Variants in ADAMTS3 observed in about 807,000 individuals in gnomAD.
ADAMTS3 encodes the protein A disintegrin and metalloproteinase with thrombospondin motifs 3.
ADAMTS3 carries 73 observed loss-of-function variants against 129.0 expected under a neutral mutation model. The ratio of observed to expected loss-of-function variants is 0.57; its 90% CI spans 0.47 to 0.69. The LOEUF (loss-of-function observed/expected upper bound fraction) is 0.69. Among genes scored for constraint, ADAMTS3 ranks in the 30% least tolerant of loss-of-function variants. ADAMTS3 has a pLI of 0.00. For synonymous variants in ADAMTS3, 477 were observed against 510.8 expected, an observed-to-expected ratio of 0.93 and a Z score of 0.89; for missense variants, 1,457 against 1,514.5, an observed-to-expected ratio of 0.96 and a Z score of 0.63.
intron 2 of ADAMTS3, among the ~76,000 whole-genome samples, chr4:72,555,507 C>T (rs1721740790): frequency 6.6e-6 from 1 of 151,760 alleles, no homozygotes; most frequent in Non-Finnish European, 1.5e-5. Flanking sequence ...GACCTCCTGG[C>T]CTGAGCTTCC....
At position 72,390,942 on chromosome 4, in the gene ADAMTS3, T is replaced by C. The variant is rs191724983; in HGVS notation, c.661+23873A>G. ...AACTTTTTTTTTAAAGCTTCTTTTA[T>C]ATTCTGGGAAATGAAAAATGATTAT... On this transcript the variant is annotated intron_variant, in intron 4 of 21. Coordinates refer to ENST00000286657, the MANE Select transcript of ADAMTS3 (RefSeq NM_014243.3). Among the ~76,000 whole-genome samples, 17 of 151,766 alleles carry C rather than the reference T, an allele frequency of 1.1e-4. No homozygotes were observed. The East Asian group carries it at 2.9e-3, about 26-fold the overall frequency.
intron 4 of ADAMTS3, among the ~76,000 whole-genome samples, chr4:72,364,310 T>C (rs1214703985): frequency 6.6e-6 from 1 of 152,160 alleles, no homozygotes; most frequent in African/African-American, 2.4e-5. Flanking sequence ...TTAAAGAGTA[T>C]TATTATAATT....
At chr4:72,516,963 A>G (rs28759425) in intron 3 of ADAMTS3, among the ~76,000 whole-genome samples, 49,691 of 151,862 alleles carry the variant, frequency 0.33, 8,319 homozygotes, top group African/African-American at 0.36. Flanking sequence ...GTATGATATT[A>G]GCTGTGAGTT....
intron 4 of ADAMTS3, among the ~76,000 whole-genome samples, chr4:72,380,367 G>A (rs544317682): frequency 6.6e-6 from 1 of 152,234 alleles, no homozygotes; most frequent in East Asian, 1.9e-4. Flanking sequence ...ATTCAAGGGT[G>A]ATGATTCCTG....
intron 4 of ADAMTS3, among the ~76,000 whole-genome samples, chr4:72,394,340 T>C (rs62318844): frequency 2.6e-3 from 395 of 152,292 alleles, no homozygotes; most frequent in Non-Finnish European, 4.4e-3. Flanking sequence ...GAGTTAATCT[T>C]CTACAAGTCC....
At chr4:72,403,505 G>T (rs1721976410) in intron 4 of ADAMTS3, among the ~76,000 whole-genome samples, 1 of 151,870 alleles carries the variant, frequency 6.6e-6, no homozygotes, top group African/African-American at 2.4e-5. Flanking sequence ...CCCAAATTTG[G>T]ATATACAGAC....
chr4:72,427,822 C>A (rs1003432233), intron 3 of ADAMTS3, among the ~76,000 whole-genome samples: 2 of 151,802 alleles, frequency 1.3e-5, no homozygotes, highest in Non-Finnish European at 2.9e-5. Context: ...TAACCCTTCT[C>A]CTCTCCTAGT....
chr4:72,378,113 A>C (rs1721181059), intron 4 of ADAMTS3, among the ~76,000 whole-genome samples: 1 of 152,216 alleles, frequency 6.6e-6, no homozygotes, highest in East Asian at 1.9e-4. Flanking sequence ...TCAATTTATA[A>C]AATTTCAACC....
At chr4:72,562,270 G>A (rs541505638) in intron 2 of ADAMTS3, among the ~76,000 whole-genome samples, 2 of 152,214 alleles carry the variant, frequency 1.3e-5, no homozygotes, top group Admixed American at 1.3e-4. Context: ...ACTTTCCTAA[G>A]TTGCTAGTAG....
chr4:72,395,093 T>G (rs988687871), intron 4 of ADAMTS3, among the ~76,000 whole-genome samples: 2 of 152,122 alleles, frequency 1.3e-5, no homozygotes, highest in Non-Finnish European at 2.9e-5. Flanking sequence ...CCTGGCTAAT[T>G]TTTGTATTTT....
chr4:72,347,691 A>C (rs1327259527), intron 4 of ADAMTS3, among the ~76,000 whole-genome samples: 1 of 151,962 alleles, frequency 6.6e-6, no homozygotes, highest in Non-Finnish European at 1.5e-5. Context: ...CTCTTGACTA[A>C]ATTATATATT....
At chr4:72,464,596 G>A (rs1000426395) in intron 3 of ADAMTS3, among the ~76,000 whole-genome samples, 13 of 152,092 alleles carry the variant, frequency 8.5e-5, no homozygotes, top group Admixed American at 8.5e-4. Flanking sequence ...TGAATTCTGG[G>A]AAAAGTGTGG....
chr4:72,298,984 A>C (rs181401256), intron 17 of ADAMTS3, among the ~76,000 whole-genome samples: 11 of 151,922 alleles, frequency 7.2e-5, no homozygotes, highest in Non-Finnish European at 2.9e-5. Flanking sequence ...ACGAAAAATC[A>C]TAATTCTACC....
chr4:72,528,906 T>C (rs895694097), intron 3 of ADAMTS3, among the ~76,000 whole-genome samples: 4 of 152,062 alleles, frequency 2.6e-5, no homozygotes, highest in Non-Finnish European at 5.9e-5. Context: ...AGTAGACCCA[T>C]GCCCTCCCCA....
intron 3 of ADAMTS3, among the ~76,000 whole-genome samples, chr4:72,417,631 A>G (rs1440549822): frequency 6.6e-6 from 1 of 152,080 alleles, no homozygotes; most frequent in Admixed American, 6.5e-5. Context: ...AAGTTTAATG[A>G]AAGAAAGTAC....
At chr4:72,551,413 G>C (rs988417386) in intron 2 of ADAMTS3, among the ~76,000 whole-genome samples, 1 of 151,946 alleles carries the variant, frequency 6.6e-6, no homozygotes, top group African/African-American at 2.4e-5. Context: ...AATATGAATG[G>C]TATGTTTCTA....
At chr4:72,327,623 G>A (rs1412463267) in intron 5 of ADAMTS3, among the ~76,000 whole-genome samples, 4 of 152,130 alleles carry the variant, frequency 2.6e-5, no homozygotes, top group African/African-American at 9.7e-5. Flanking sequence ...TAGTACACGA[G>A]CAAGGGATGA....
In ADAMTS3 at chr4:72,318,568, A is replaced by G. The variant is rs1249147644; in HGVS notation, c.1485+4T>C. 6.2e-7 allele frequency: 1 copy of G among 1,612,934 alleles called. No homozygotes were observed. Among genetic ancestry groups the G allele is most frequent in the East Asian group, 2.2e-5 (1 of 44,716 alleles). On this transcript the variant is annotated splice_donor_region_variant and intron_variant, in intron 10 of 21. Transcript: ENST00000286657. ...AAAATCTACATCAACTGTGAGCAAC[A>G]TACCGCGGTGCACATTTTATAGCCA...
intron 4 of ADAMTS3, among the ~76,000 whole-genome samples, chr4:72,361,144 G>A (rs980335730): frequency 2.0e-5 from 3 of 152,094 alleles, no homozygotes; most frequent in East Asian, 3.9e-4. Flanking sequence ...TGTTTTATGT[G>A]TTTATGTTTC....
Sources: gnomAD v4.1 joint callset for allele counts (sites outside exome capture counted in the v4.1 genomes callset) on GRCh38, gnomAD v4.1.1 for gene constraint, MANE v1.5 for transcripts, NCBI Gene and HGNC (gene_info 2026-07-23, HGNC 2026-07-21) for gene names.